The following WDR70 variants were observed in gnomAD, a reference collection of about 807,000 sequenced individuals.
The protein encoded by WDR70 is WD repeat domain 70.
In WDR70, 53 loss-of-function variants were observed where a neutral mutation model predicts 88.6. The ratio of observed to expected loss-of-function variants is 0.60; its 90% confidence interval spans 0.48 to 0.75. The LOEUF is 0.75. Among genes scored for constraint, WDR70 ranks in the 30% least tolerant of loss-of-function variants. WDR70 has a pLI of 0.00. For missense variants in WDR70, 610 were observed against 823.2 expected, an observed-to-expected ratio of 0.74 and a Z score of 3.17; for synonymous variants, 280 against 270.0, an observed-to-expected ratio of 1.04 and a Z score of -0.36.
intron 9 of WDR70, among the ~76,000 whole-genome samples, chr5:37,523,861 A>G (rs949726016): frequency 2.6e-5 from 4 of 152,266 alleles, no homozygotes; most frequent in Non-Finnish European, 5.9e-5. Flanking sequence ...GATTCAATCA[A>G]CTGGAATAAA....
At chr5:37,727,104 A>C in intron 17 of WDR70, 59 bp downstream of exon 17, 1 of 1,543,486 alleles carries the variant, frequency 6.5e-7, no homozygotes. Flanking sequence ...TGGGGAGAAC[A>C]TAACAATGTT....
intron 10 of WDR70, among the ~76,000 whole-genome samples, chr5:37,658,607 C>T (rs1487947477): frequency 1.3e-5 from 2 of 152,168 alleles, no homozygotes; most frequent in East Asian, 3.9e-4. Context: ...TCACTTCCTC[C>T]TCCCAATCTG....
At chr5:37,604,141 T>C (rs1429512089) in intron 9 of WDR70, among the ~76,000 whole-genome samples, 5 of 152,218 alleles carry the variant, frequency 3.3e-5, no homozygotes, top group African/African-American at 1.2e-4. Context: ...ATTTCCACTT[T>C]TGTCATATTT....
intron 10 of WDR70, among the ~76,000 whole-genome samples, chr5:37,632,973 A>G (rs922764944): frequency 2.6e-5 from 4 of 152,130 alleles, no homozygotes; most frequent in African/African-American, 4.8e-5. Flanking sequence ...TTCTGTGTGT[A>G]GATATGTTTA....
At chr5:37,394,659 T>G (rs1378962889) in intron 4 of WDR70, among the ~76,000 whole-genome samples, 1 of 152,174 alleles carries the variant, frequency 6.6e-6, no homozygotes, top group South Asian at 2.1e-4. Context: ...GCCCTTAGAC[T>G]TCTTTGAGGA....
intron 14 of WDR70, 44 bp downstream of exon 14, chr5:37,721,259 G>A (rs887391044): frequency 1.3e-6 from 2 of 1,553,222 alleles, no homozygotes; most frequent in African/African-American, 1.4e-5. Context: ...GACAACAACT[G>A]GGGGGAGGGA....
chr5:37,525,680 G>A (rs867360246), intron 9 of WDR70, among the ~76,000 whole-genome samples: 68 of 152,174 alleles, frequency 4.5e-4, no homozygotes, highest in Middle Eastern at 3.4e-3. Flanking sequence ...CAAAAAATCA[G>A]TGAATCCAGG....
At chr5:37,473,918 G>C (rs545704241) in intron 7 of WDR70, among the ~76,000 whole-genome samples, 1 of 152,214 alleles carries the variant, frequency 6.6e-6, no homozygotes, top group South Asian at 2.1e-4. Context: ...CATATGTTTA[G>C]ATCATTGATT....
chr5:37,494,751 A>G (rs1489568241), intron 8 of WDR70, among the ~76,000 whole-genome samples: 1 of 152,252 alleles, frequency 6.6e-6, no homozygotes, highest in African/African-American at 2.4e-5. Flanking sequence ...CACTGCTGAA[A>G]TATCTTGTAA....
At chr5:37,400,569 A>G (rs1749161801) in intron 5 of WDR70, among the ~76,000 whole-genome samples, 1 of 152,168 alleles carries the variant, frequency 6.6e-6, no homozygotes, top group African/African-American at 2.4e-5. Context: ...TGGCTTTTTG[A>G]GGACATAGCA....
At chr5:37,649,755 T>TTTTTTTTTA (rs1745344125) in intron 10 of WDR70, among the ~76,000 whole-genome samples, 1 of 118,822 alleles carries the variant, frequency 8.4e-6, no homozygotes, top group Admixed American at 8.5e-5. Context: ...TTTTTTTTTT[T>TTTTTTTTTA]GAGACGGAGT....
chr5:37,381,353 G>GTGT (rs369527199), intron 2 of WDR70, among the ~76,000 whole-genome samples: 12 of 152,236 alleles, frequency 7.9e-5, no homozygotes, highest in Non-Finnish European at 1.0e-4. Context: ...CCCCACATCA[G>GTGT]TGTTGTTGTT....
intron 10 of WDR70, among the ~76,000 whole-genome samples, chr5:37,634,716 T>C (rs1443343374): frequency 6.6e-6 from 1 of 152,192 alleles, no homozygotes; most frequent in Non-Finnish European, 1.5e-5. Flanking sequence ...GATATTAGGA[T>C]GTAGGACACC....
At chr5:37,505,692 C>T in intron 8 of WDR70, 2 of 929,458 alleles carry the variant, frequency 2.2e-6, no homozygotes, top group Admixed American at 1.7e-5. Flanking sequence ...AAATTCTCAT[C>T]TGACATTTTG....
chr5:37,397,645 G>T (rs2886592), intron 5 of WDR70, among the ~76,000 whole-genome samples: 1 of 152,208 alleles, frequency 6.6e-6, no homozygotes, highest in Non-Finnish European at 1.5e-5. Flanking sequence ...AGGAGGCCAG[G>T]GATACCGGTT....
At chr5:37,603,922 CCTT>C (rs1743959167) in intron 9 of WDR70, among the ~76,000 whole-genome samples, 1 of 152,112 alleles carries the variant, frequency 6.6e-6, no homozygotes, top group Non-Finnish European at 1.5e-5. Context: ...AACATATTTT[CCTT>C]CTTCCTCCTA....
chr5:37,649,733 C>CTTCT (rs1384336784), intron 10 of WDR70, among the ~76,000 whole-genome samples: 1,710 of 69,022 alleles, frequency 0.025, 90 homozygotes, highest in Non-Finnish European at 0.03. Context: ...GTTATTACTT[C>CTTCT]TTTTTTTTTT....
Position 37,546,345 on chromosome 5 carries a change from G to A in WDR70, c.917+29755G>A, listed in dbSNP as rs190899879. 8.5e-5 allele frequency among the ~76,000 whole-genome samples: 13 copies of A among 152,184 alleles called. No individual in the cohort carries two copies. The East Asian group carries it at 2.3e-3, about 27-fold the overall frequency. Reference sequence around the variant, plus strand: ...CGTGTTCTGTATTGCCATATGTAACGGGTAAGATGTCTACACCTTCAAAAA... The same window carrying A: ...CGTGTTCTGTATTGCCATATGTAACAGGTAAGATGTCTACACCTTCAAAAA... On this transcript the variant is annotated intron_variant, in intron 9 of 17. Coordinates refer to ENST00000265107, the MANE Select transcript of WDR70 (RefSeq NM_018034.4).
intron 10 of WDR70, among the ~76,000 whole-genome samples, chr5:37,616,536 C>A (rs75173711): frequency 0.037 from 5,675 of 152,222 alleles, 360 homozygotes; most frequent in African/African-American, 0.13. Flanking sequence ...ACAAGCCCCC[C>A]GCTGCTGGTA....
Sources: allele counts gnomAD v4.1 joint callset (sites outside exome capture counted in the v4.1 genomes callset), GRCh38; gene constraint gnomAD v4.1.1; transcripts MANE v1.5; gene names NCBI Gene and HGNC (gene_info 2026-07-23, HGNC 2026-07-21).